FNDC3A: variants seen among roughly 807,000 people sequenced by gnomAD.
The protein encoded by FNDC3A is fibronectin type-III domain-containing protein 3A.
A neutral mutation model predicts 148.9 loss-of-function variants in FNDC3A; 32 were observed. The ratio of observed to expected loss-of-function variants is 0.21; its 90% CI spans 0.16 to 0.29. The LOEUF is 0.29. Ranked by LOEUF, FNDC3A falls within the 10% of genes least tolerant of loss-of-function variation. The probability of loss-of-function intolerance (pLI) is 1.00; values close to 1 mark genes in which losing one functional copy is unlikely to be tolerated. For synonymous variants in FNDC3A, 472 were observed against 473.6 expected, an observed-to-expected ratio of 1.00 and a Z score of 0.04; for missense variants, 1,191 against 1,452.8, an observed-to-expected ratio of 0.82 and a Z score of 2.93.
chr13:49,138,690 G>T, intron 6 of FNDC3A, 57 bp from the exon 7 acceptor site: 1 of 799,986 alleles, frequency 1.3e-6, no homozygotes, highest in Non-Finnish European at 2.0e-6. Flanking sequence ...TTAGGGAGAA[G>T]AAGGGATTGT....
chr13:49,002,858 C>G (rs761717530), intron 1 of FNDC3A, among the ~76,000 whole-genome samples: 2 of 152,158 alleles, frequency 1.3e-5, no homozygotes, highest in African/African-American at 2.4e-5. Context: ...GGGCCATTAA[C>G]AAGTAATGGC....
intron 3 of FNDC3A, among the ~76,000 whole-genome samples, chr13:49,114,265 A>G (rs1880774050): frequency 6.6e-6 from 1 of 151,770 alleles, no homozygotes; most frequent in South Asian, 2.1e-4. Context: ...GTTTAGTTTG[A>G]TTTTTCTCTA....
chr13:49,014,064 G>T (rs1439772033), intron 2 of FNDC3A, among the ~76,000 whole-genome samples: 1 of 144,184 alleles, frequency 6.9e-6, no homozygotes, highest in Non-Finnish European at 1.5e-5. Flanking sequence ...ACATACGTGT[G>T]CATGTGTCTT....
chr13:49,015,183 C>T (rs1952468401), intron 2 of FNDC3A, among the ~76,000 whole-genome samples: 2 of 152,116 alleles, frequency 1.3e-5, no homozygotes, highest in African/African-American at 4.8e-5. Flanking sequence ...TGTAAATTAC[C>T]TTGGGCAGTA....
chr13:49,191,045 G>A lies in FNDC3A; in HGVS notation c.1975G>A (p.Ala659Thr). ...VSESLLVQTP[A>T]VPPGPCLPPR... is the part of the protein sequence containing the mutation. Reference sequence around the variant, plus strand: ...TGAATCTTTACTTGTGCAGACTCCAGCTGTGCCTCCTGGCCCATGCCTCCC... The same window carrying A: ...TGAATCTTTACTTGTGCAGACTCCAACTGTGCCTCCTGGCCCATGCCTCCC... Residue 659 changes from alanine (A) to threonine (T), a missense_variant, in exon 18 of 26, where the codon GCT becomes ACT. Transcript: ENST00000492622. 1 of 1,613,808 alleles carries A rather than the reference G, an allele frequency of 6.2e-7. No individual in the cohort carries two copies. Among genetic ancestry groups the A allele is most frequent in the Non-Finnish European group, 8.5e-7 (1 of 1,179,958 alleles).
intron 2 of FNDC3A, among the ~76,000 whole-genome samples, chr13:49,053,736 AC>A (rs1876023892): frequency 1.3e-5 from 2 of 152,020 alleles, no homozygotes; most frequent in Admixed American, 1.3e-4. Flanking sequence ...ATATGCCTCC[AC>A]CCCCAGAGGC....
At chr13:48,991,399 G>T (rs1158991002) in intron 1 of FNDC3A, among the ~76,000 whole-genome samples, 1 of 152,054 alleles carries the variant, frequency 6.6e-6, no homozygotes, top group Non-Finnish European at 1.5e-5. Flanking sequence ...TCTAGTATAG[G>T]AACTGGCCTG....
At chr13:49,082,055 C>G (rs1471988260) in intron 3 of FNDC3A, among the ~76,000 whole-genome samples, 1 of 151,022 alleles carries the variant, frequency 6.6e-6, no homozygotes, top group Non-Finnish European at 1.5e-5. Context: ...ATGTCAAACT[C>G]AAGAAGATCA....
At chr13:49,051,445 G>A (rs896551827) in intron 2 of FNDC3A, among the ~76,000 whole-genome samples, 11 of 152,156 alleles carry the variant, frequency 7.2e-5, no homozygotes, top group Non-Finnish European at 1.2e-4. Context: ...TAGTTTTACT[G>A]GATACAAAAT....
intron 1 of FNDC3A, among the ~76,000 whole-genome samples, chr13:49,000,317 A>G (rs1050276579): frequency 6.6e-6 from 1 of 152,206 alleles, no homozygotes; most frequent in African/African-American, 2.4e-5. Context: ...TTTTTCATAC[A>G]TCATTTGTTG....
intron 2 of FNDC3A, among the ~76,000 whole-genome samples, chr13:49,041,882 A>G (rs181012075): frequency 1.3e-5 from 2 of 152,046 alleles, no homozygotes; most frequent in East Asian, 3.9e-4. Flanking sequence ...GTGGAATTTT[A>G]TAAGACAAGT....
chr13:49,030,208 G>A (rs895248361), intron 2 of FNDC3A, among the ~76,000 whole-genome samples: 12 of 152,062 alleles, frequency 7.9e-5, no homozygotes, highest in African/African-American at 2.9e-4. Context: ...CAACTAAGTG[G>A]GGTTTGTAGT....
chr13:49,177,718 A>G (rs762170594), intron 13 of FNDC3A, among the ~76,000 whole-genome samples: 9 of 152,230 alleles, frequency 5.9e-5, no homozygotes, highest in African/African-American at 1.9e-4. Context: ...GAGTACCAGT[A>G]TATGCCACAA....
chr13:49,081,119 TC>T (rs1281254103), intron 3 of FNDC3A, among the ~76,000 whole-genome samples: 5 of 152,178 alleles, frequency 3.3e-5, no homozygotes, highest in Admixed American at 2.6e-4. Context: ...CTAAAAACCC[TC>T]CTTATGAGAG....
chr13:49,115,366 G>A (rs1043237732), intron 4 of FNDC3A, among the ~76,000 whole-genome samples: 4 of 152,096 alleles, frequency 2.6e-5, no homozygotes, highest in Non-Finnish European at 4.4e-5. Context: ...TGGTCTGCAC[G>A]CTTTGCCTCA....
intron 2 of FNDC3A, among the ~76,000 whole-genome samples, chr13:49,020,820 A>G (rs1270586897): frequency 6.6e-6 from 1 of 152,260 alleles, no homozygotes; most frequent in Non-Finnish European, 1.5e-5. Context: ...AAAGGTGTTA[A>G]CTTGTTACTA....
At chr13:49,018,150 T>C (rs2987529) in intron 2 of FNDC3A, among the ~76,000 whole-genome samples, 148,757 of 151,246 alleles carry the variant, frequency 0.98, 73,185 homozygotes, top group South Asian at 1. Context: ...CGTTGGCCTG[T>C]CTTGCTAGAT....
At chr13:49,022,068 A>T (rs546305582) in intron 2 of FNDC3A, among the ~76,000 whole-genome samples, 2 of 152,204 alleles carry the variant, frequency 1.3e-5, no homozygotes, top group South Asian at 4.1e-4. Context: ...TTACTTCAGA[A>T]ATTTACAATG....
intron 1 of FNDC3A, among the ~76,000 whole-genome samples, chr13:48,979,560 G>A (rs1256814915): frequency 6.6e-6 from 1 of 152,134 alleles, no homozygotes. Flanking sequence ...CGAGATGTTA[G>A]CTTAAGCACC....
Sources: allele counts gnomAD v4.1 joint callset (sites outside exome capture counted in the v4.1 genomes callset), GRCh38; gene constraint gnomAD v4.1.1; transcripts MANE v1.5; gene names NCBI Gene and HGNC (gene_info 2026-07-23, HGNC 2026-07-21).